Variants in PPP2R3B observed in about 807,000 individuals in gnomAD.
PPP2R3B encodes the protein protein phosphatase 2 regulatory subunit B''beta.
PPP2R3B carries 68 observed loss-of-function variants against 72.9 expected under a neutral mutation model. The observed-to-expected ratio is 0.93, with a 90% confidence interval of 0.77 to 1.14. The LOEUF (loss-of-function observed/expected upper bound fraction) is 1.14, where lower values mean the gene tolerates loss of function less well. Ranked by LOEUF, PPP2R3B falls within the 50% of genes most tolerant of loss-of-function variation. The probability of loss-of-function intolerance (pLI) is 0.00; values close to 1 mark genes in which losing one functional copy is unlikely to be tolerated. For synonymous variants in PPP2R3B, 466 were observed against 375.8 expected, an observed-to-expected ratio of 1.24 and a Z score of -2.78; for missense variants, 1,018 against 842.0, an observed-to-expected ratio of 1.21 and a Z score of -2.59.
At chrX:368,524 G>C (rs1383961435) in intron 1 of PPP2R3B, among the ~76,000 whole-genome samples, 2 of 128,380 alleles carry the variant, frequency 1.6e-5, no homozygotes, top group African/African-American at 6.0e-5. Flanking sequence ...GGCACCGACG[G>C]GGGGAAGGAC....
At chrX:385,189 T>C (rs1212801410) in intron 1 of PPP2R3B, among the ~76,000 whole-genome samples, 1 of 151,974 alleles carries the variant, frequency 6.6e-6, no homozygotes, top group African/African-American at 2.4e-5. Flanking sequence ...TCAATACCCA[T>C]GCGTCAGGAC....
chrX:341,692 C>T (rs1180648840), intron 8 of PPP2R3B, 191 bp downstream of exon 8: 7 of 714,786 alleles, frequency 9.8e-6, no homozygotes, highest in Admixed American at 7.0e-5. Context: ...TCAGACTTCG[C>T]GTGACAGTCT....
rs560424299 is a variant in PPP2R3B, at chrX:339,284, G to A, written c.1352-388C>T. On this transcript the variant is annotated intron_variant, in intron 10 of 12. Transcript: ENST00000390665. ...GGCGCCCCATGGCCGGGGGGGGCAG[G>A]GCTGCAGGGCGGTGCCCGGGCCTCA... 1.9e-3 allele frequency among the ~76,000 whole-genome samples: 257 copies of A among 137,088 alleles called. 5 individuals are homozygous for A. Among genetic ancestry groups the A allele is most frequent in the African/African-American group, 6.6e-3 (244 of 36,770 alleles). The allele number at this position is 137,088 out of a possible 152,430, so 89.9% of individuals were successfully genotyped here.
In PPP2R3B at chrX:386,753, G is replaced by A. The variant is rs1197889662; in HGVS notation, c.-62C>T. On this transcript the variant is annotated 5_prime_UTR_variant, in exon 1 of 13. Transcript: ENST00000390665. ...CGCCCCGCCCCGCCCCGGGGGCTTC[G>A]GTCCGCCCCGGACCGACCTCGGTGA... 3.6e-6 allele frequency: 4 copies of A among 1,099,092 alleles called. 1 individual carries two copies. Among genetic ancestry groups the A allele is most frequent in the Non-Finnish European group, 2.3e-6 (2 of 882,850 alleles). 68.1% of individuals were successfully genotyped at this position (1,099,092 alleles called of 1,614,324 possible).
chrX:382,195 T>TC, intron 1 of PPP2R3B, among the ~76,000 whole-genome samples: 1 of 139,954 alleles, frequency 7.1e-6, no homozygotes, highest in Admixed American at 7.4e-5. Flanking sequence ...TCTTTTTTTT[T>TC]CTTTTTTTTT....
intron 12 of PPP2R3B, chrX:335,659 A>G (rs2070869463): frequency 6.6e-6 from 1 of 152,236 alleles, no homozygotes; most frequent in Non-Finnish European, 1.5e-5. Flanking sequence ...ATACTCAAGG[A>G]AAACAGCAGA....
chrX:385,984 A>C (rs1309855348), intron 1 of PPP2R3B, among the ~76,000 whole-genome samples: 1 of 152,202 alleles, frequency 6.6e-6, no homozygotes, highest in Non-Finnish European at 1.5e-5. Context: ...CGGGAGCCTG[A>C]GGCAGGAGAA....
At chrX:346,103 G>GAGGAGAGAGGGGT in intron 6 of PPP2R3B, 71 bp downstream of exon 6, 1 of 1,005,258 alleles carries the variant, frequency 9.9e-7, no homozygotes, top group Non-Finnish European at 1.4e-6. Context: ...GGGGAGGAGG[G>GAGGAGAGAGGGGT]AAGGGAAGGG....
intron 1 of PPP2R3B, among the ~76,000 whole-genome samples, chrX:363,626 G>C (rs1322875658): frequency 2.1e-4 from 1 of 4,666 alleles, no homozygotes; most frequent in Non-Finnish European, 6.4e-4. Context: ...GCATCTCCCC[G>C]AGCCCACCAT....
rs1306670379 is a variant in PPP2R3B, at chrX:386,603, C to T, written c.89G>A (p.Arg30Gln). ...LYWLSEASTQ[R>Q]MLQDCLRRIK... ...CCGGCGCAGGCAGTCCTGCAGCATC[C>T]GCTGCGTGCTGGCCTCGCTGAGCCA... The change falls in exon 1 of 13, where the codon CGG (arginine) becomes CAG (glutamine). Residue 30 changes from arginine to glutamine, a missense_variant. Physicochemically the swap from Arg to Gln is conservative, Grantham distance 43 (BLOSUM62 1). Transcript: ENST00000390665. The T allele has an allele frequency of 6.9e-7, 1 of 1,449,136 alleles. No individual in the cohort carries two copies. Among genetic ancestry groups the T allele is most frequent in the Non-Finnish European group, 9.1e-7 (1 of 1,101,804 alleles). The allele number at this position is 1,449,136 out of a possible 1,614,324, so 89.8% of individuals were successfully genotyped here.
chrX:350,316 G>A (rs1044731054), intron 2 of PPP2R3B, among the ~76,000 whole-genome samples: 2 of 152,188 alleles, frequency 1.3e-5, no homozygotes, highest in Admixed American at 6.5e-5. Flanking sequence ...GACGCTGCAC[G>A]GCTCTGCCGC....
At chrX:352,251 T>C (rs2071345800) in intron 2 of PPP2R3B, among the ~76,000 whole-genome samples, 1 of 152,208 alleles carries the variant, frequency 6.6e-6, no homozygotes, top group African/African-American at 2.4e-5. Flanking sequence ...AAAAGTCTTT[T>C]CGTGATCGAC....
intron 7 of PPP2R3B, among the ~76,000 whole-genome samples, chrX:343,907 A>G (rs2124610625): frequency 1.8e-5 from 1 of 56,508 alleles, no homozygotes; most frequent in African/African-American, 8.4e-5. Context: ...GACCTCACCA[A>G]GGAGAGGCGG....
Position 345,575 on chromosome X carries a change from A to G in PPP2R3B, c.977T>C (p.Leu326Pro). ...GATGAGCAGGTCGTGGTCCGTGTCC[A>G]GCTCCCAGAACTTGCAGTAGATGAC... Reference protein sequence around the residue: ...FYVIYCKFWELDTDHDLLIDA... With the variant: ...FYVIYCKFWEPDTDHDLLIDA... The change falls in exon 7 of 13, where the codon CTG becomes CCG. Residue 326 changes from leucine to proline, a missense_variant. Transcript: ENST00000390665. The G allele has an allele frequency of 3.1e-6, 5 of 1,613,204 alleles. No homozygotes were observed. Among genetic ancestry groups the G allele is most frequent in the Non-Finnish European group, 2.5e-6 (3 of 1,179,520 alleles).
intron 1 of PPP2R3B, among the ~76,000 whole-genome samples, chrX:379,055 T>TTGTGTGTATGCACCTGTG (rs2072060915): frequency 7.0e-6 from 1 of 142,590 alleles, no homozygotes; most frequent in Non-Finnish European, 1.5e-5. Flanking sequence ...ACCTGTGTGT[T>TTGTGTGTATGCACCTGTG]TGTGTGTATG....
intron 5 of PPP2R3B, 149 bp downstream of exon 5, chrX:346,552 G>T: frequency 3.9e-6 from 3 of 772,282 alleles, no homozygotes; most frequent in Non-Finnish European, 2.0e-6. Flanking sequence ...TCCCGGGCGG[G>T]TGGAGACTCT....
In PPP2R3B at chrX:384,233, T is replaced by C. The variant is rs774103877; in HGVS notation, c.324+2135A>G. ...TTTTTCTTTTTCTCTATTGCTTATC[T>C]TGGCCTCAAGCTCGCGCACGCAAGA... is the stretch of plus-strand genomic sequence containing the variant. On this transcript the variant is annotated intron_variant, in intron 1 of 12. Transcript: ENST00000390665. Among the ~76,000 whole-genome samples the C allele has an allele frequency of 6.6e-5, 10 of 152,028 alleles. No homozygotes were observed. The East Asian group carries it at 1.7e-3, about 26-fold the overall frequency.
chrX:375,830 C>T (rs1364186976), intron 1 of PPP2R3B, among the ~76,000 whole-genome samples: 1 of 152,218 alleles, frequency 6.6e-6, no homozygotes, highest in Admixed American at 6.5e-5. Context: ...GACACACGCC[C>T]TGTCCTGCCA....
At position 334,524 on chromosome X, in the gene PPP2R3B, C is replaced by T. The variant is rs367749428; in HGVS notation, c.1578-7G>A. The T allele has an allele frequency of 5.9e-5, 91 of 1,531,216 alleles. No individual in the cohort carries two copies. The highest frequency in any genetic ancestry group is 1.9e-4 in the Middle Eastern group (1 of 5,206). 94.9% of individuals were successfully genotyped at this position (1,531,216 alleles called of 1,614,324 possible). A position where few individuals can be genotyped will look rare whatever the true frequency, so the allele number is the denominator to read the frequency against. On this transcript the variant is annotated splice_polypyrimidine_tract_variant and splice_region_variant and intron_variant, in intron 12 of 12. Coordinates refer to ENST00000390665, the MANE Select transcript of PPP2R3B (RefSeq NM_013239.5). ...GCTGAGCTCGGCCTCGAACCTGCAA[C>T]GAGGGGATGGCGAAGACGTGGCCAG...
Sources: allele counts gnomAD v4.1 joint callset (sites outside exome capture counted in the v4.1 genomes callset), GRCh38; gene constraint gnomAD v4.1.1; transcripts MANE v1.5; gene names NCBI Gene and HGNC (gene_info 2026-07-23, HGNC 2026-07-21).